The following LRP1B variants were observed in gnomAD, a reference collection of about 807,000 sequenced individuals.
LRP1B encodes LDL receptor related protein 1B, also known as low-density lipoprotein receptor-related protein 1B.
LRP1B carries 217 observed loss-of-function variants against 556.6 expected under a neutral mutation model. The ratio of observed to expected loss-of-function variants is 0.39; its 90% confidence interval spans 0.35 to 0.44. The LOEUF is 0.44. Among genes scored for constraint, LRP1B ranks in the 20% least tolerant of loss-of-function variants. The pLI, the probability that LRP1B is intolerant of heterozygous loss-of-function variation, is 1.00. For synonymous variants in LRP1B, 2,047 were observed against 1,865.8 expected (o/e 1.10, Z -2.50); for missense variants, 5,053 against 5,620.8 (o/e 0.90, Z 3.23).
At chr2:141,209,690 A>C (rs1284347253) in intron 6 of LRP1B, among the ~76,000 whole-genome samples, 1 of 152,198 alleles carries the variant, frequency 6.6e-6, no homozygotes. Flanking sequence ...CCCCCAAGGA[A>C]CACAAGGAAA....
At chr2:141,781,371 A>G (rs1695248922) in intron 2 of LRP1B, among the ~76,000 whole-genome samples, 1 of 152,196 alleles carries the variant, frequency 6.6e-6, no homozygotes, top group South Asian at 2.1e-4. Flanking sequence ...TCCATCAAAT[A>G]TGTTTCTTCA....
intron 2 of LRP1B, among the ~76,000 whole-genome samples, chr2:141,674,792 C>T (rs910175758): frequency 2.0e-5 from 3 of 151,996 alleles, no homozygotes; most frequent in African/African-American, 7.2e-5. Flanking sequence ...TTAATCACTG[C>T]ATTGCAACGG....
chr2:140,973,075 T>G (rs1363009068), intron 18 of LRP1B, among the ~76,000 whole-genome samples: 1 of 147,094 alleles, frequency 6.8e-6, no homozygotes, highest in African/African-American at 2.5e-5. Flanking sequence ...TATATATATA[T>G]ATATATTTCT....
intron 60 of LRP1B, among the ~76,000 whole-genome samples, chr2:140,467,458 A>C (rs1160672898): frequency 6.6e-6 from 1 of 151,756 alleles, no homozygotes; most frequent in East Asian, 1.9e-4. Context: ...TAAAAAAAAA[A>C]AAAATTTGCT....
At chr2:140,304,429 A>C (rs1432827120) in intron 83 of LRP1B, among the ~76,000 whole-genome samples, 1 of 151,924 alleles carries the variant, frequency 6.6e-6, no homozygotes, top group Admixed American at 6.6e-5. Flanking sequence ...GCATTTTTTC[A>C]TGTGTCTGTT....
chr2:140,580,187 T>C lies in LRP1B; in HGVS notation c.7194+18444A>G, dbSNP rs142412206. ...TGTGTTTCTGCAATATTAATAAATA[T>C]AGAATATGTAACTCAGCAAATTGAG... On this transcript the variant is annotated intron_variant, in intron 43 of 90. Transcript: ENST00000389484. Among the ~76,000 whole-genome samples the C allele has an allele frequency of 3.3e-5, 5 of 152,322 alleles. No individual in the cohort carries two copies. The East Asian group carries it at 5.8e-4, about 18-fold the overall frequency.
At chr2:141,790,056 T>G (rs1003576979) in intron 2 of LRP1B, among the ~76,000 whole-genome samples, 1 of 151,892 alleles carries the variant, frequency 6.6e-6, no homozygotes, top group Non-Finnish European at 1.5e-5. Context: ...ATTAACAACG[T>G]CCTCCTACTG....
At chr2:141,266,323 CAAAAAAAAAA>C (rs34877238) in intron 3 of LRP1B, among the ~76,000 whole-genome samples, 38 of 73,308 alleles carry the variant, frequency 5.2e-4, no homozygotes, top group Middle Eastern at 8.8e-3. Flanking sequence ...GACTCTGTTT[CAAAAAAAAAA>C]AAAAAAAAAA....
chr2:140,733,635 A>G (rs1239477893), intron 35 of LRP1B, among the ~76,000 whole-genome samples: 1 of 152,196 alleles, frequency 6.6e-6, no homozygotes, highest in African/African-American at 2.4e-5. Context: ...ATGTAATTCC[A>G]TTTATATAAA....
rs188834661 is a variant in LRP1B, at chr2:140,520,210, T to A, written c.8027-3199A>T. Among the ~76,000 whole-genome samples, 473 of 152,274 alleles carry A rather than the reference T, an allele frequency of 3.1e-3. 1 individual carries two copies. Among genetic ancestry groups the A allele is most frequent in the African/African-American group, 0.011 (460 of 41,558 alleles). On this transcript the variant is annotated intron_variant, in intron 49 of 90. Coordinates refer to ENST00000389484, the MANE Select transcript of LRP1B (RefSeq NM_018557.3). ...AGCAAAGACTTGTAACCAACCCAAA[T>A]GTCCATCAATGATAGACTGGATTAA...
At chr2:141,986,161 T>G (rs1347521813) in intron 1 of LRP1B, among the ~76,000 whole-genome samples, 1 of 151,938 alleles carries the variant, frequency 6.6e-6, no homozygotes, top group Non-Finnish European at 1.5e-5. Context: ...GTAGATGTTA[T>G]AAAAAATTTC....
intron 1 of LRP1B, among the ~76,000 whole-genome samples, chr2:142,063,268 C>T (rs1375604): frequency 0.97 from 147,875 of 151,686 alleles, 72,188 homozygotes; most frequent in Non-Finnish European, 1. Flanking sequence ...TTGATGGAGT[C>T]GTGTTCCTCA....
chr2:141,086,216 C>A (rs1330279488), intron 7 of LRP1B, among the ~76,000 whole-genome samples: 1 of 152,136 alleles, frequency 6.6e-6, no homozygotes, highest in Admixed American at 6.5e-5. Flanking sequence ...ACATGTCACC[C>A]ATTGATTTCA....
At chr2:142,067,352 A>T (rs894175467) in intron 1 of LRP1B, among the ~76,000 whole-genome samples, 1 of 151,502 alleles carries the variant, frequency 6.6e-6, no homozygotes, top group Non-Finnish European at 1.5e-5. Flanking sequence ...ATAAAAAAAA[A>T]GTTTAAAAAA....
At chr2:140,969,867 G>T (rs1396640794) in intron 18 of LRP1B, among the ~76,000 whole-genome samples, 1 of 152,180 alleles carries the variant, frequency 6.6e-6, no homozygotes. Flanking sequence ...CTTCTGGCTT[G>T]TAGAGTTTCT....
At chr2:141,596,164 C>T (rs571912007) in intron 2 of LRP1B, among the ~76,000 whole-genome samples, 7 of 152,064 alleles carry the variant, frequency 4.6e-5, no homozygotes, top group Non-Finnish European at 8.8e-5. Context: ...CTACTCCGAT[C>T]CTTACCCAGG....
intron 2 of LRP1B, among the ~76,000 whole-genome samples, chr2:141,666,811 A>G (rs1690456568): frequency 6.6e-6 from 1 of 152,214 alleles, no homozygotes; most frequent in Non-Finnish European, 1.5e-5. Flanking sequence ...CTCTAGGAGA[A>G]ACATGTTAAT....
chr2:141,185,688 A>AC (rs1553472455), intron 7 of LRP1B, among the ~76,000 whole-genome samples: 2,244 of 33,894 alleles, frequency 0.066, 124 homozygotes, highest in African/African-American at 0.15. Context: ...ACAAACAAAC[A>AC]AAAAAAAACA....
At chr2:140,639,296 T>C (rs545238830) in intron 41 of LRP1B, among the ~76,000 whole-genome samples, 3 of 152,336 alleles carry the variant, frequency 2.0e-5, no homozygotes, top group African/African-American at 4.8e-5. Context: ...AAACTAATCA[T>C]CTTTCATCTT....
Sources: allele counts gnomAD v4.1 joint callset (sites outside exome capture counted in the v4.1 genomes callset), GRCh38; gene constraint gnomAD v4.1.1; transcripts MANE v1.5; gene names NCBI Gene and HGNC (gene_info 2026-07-23, HGNC 2026-07-21).